The following UBA6 variants were observed in gnomAD, a reference collection of about 807,000 sequenced individuals.
UBA6 encodes the protein ubiquitin like modifier activating enzyme 6, also known as ubiquitin-like modifier-activating enzyme 6.
UBA6 carries 87 observed loss-of-function variants against 148.3 expected under a neutral mutation model. The observed-to-expected ratio is 0.59, with a 90% CI of 0.49 to 0.70. The LOEUF (loss-of-function observed/expected upper bound fraction) is 0.70, where lower values mean the gene tolerates loss of function less well. Among genes scored for constraint, UBA6 ranks in the 30% least tolerant of loss-of-function variants. The pLI, the probability that UBA6 is intolerant of heterozygous loss-of-function variation, is 0.00. For synonymous variants in UBA6, 376 were observed against 401.0 expected (o/e 0.94, Z 0.75); for missense variants, 1,186 against 1,241.2 (o/e 0.96, Z 0.67).
intron 17 of UBA6, among the ~76,000 whole-genome samples, chr4:67,642,967 T>G (rs1729341817): frequency 6.6e-6 from 1 of 151,908 alleles, no homozygotes; most frequent in Non-Finnish European, 1.5e-5. Flanking sequence ...CATTCTCACC[T>G]CAGTTATATT....
At chr4:67,681,448 A>T (rs1421609949) in intron 4 of UBA6, 115 bp downstream of exon 4, 8 of 569,028 alleles carry the variant, frequency 1.4e-5, no homozygotes, top group African/African-American at 2.9e-5. Flanking sequence ...GATTTTTTTT[A>T]AAAAGTAGAG....
rs780605671 is a variant in UBA6, at chr4:67,678,432, T to G, written c.353+7A>C. On this transcript the variant is annotated splice_region_variant and intron_variant, in intron 5 of 32. Coordinates refer to ENST00000322244, the MANE Select transcript of UBA6 (RefSeq NM_018227.6). ...AAACTCATGATAATACATCAAAATATCTTTACCTGTTTCTCTTATTAACAA... is the reference window on the plus strand; with the variant it reads ...AAACTCATGATAATACATCAAAATAGCTTTACCTGTTTCTCTTATTAACAA... 16 of 1,548,474 alleles carry G rather than the reference T, an allele frequency of 1.0e-5. No individual in the cohort carries two copies. The highest frequency in any genetic ancestry group is 1.3e-5 in the Non-Finnish European group (15 of 1,138,830).
chr4:67,682,040 TA>T, intron 3 of UBA6, 78 bp downstream of exon 3: 1 of 1,055,814 alleles, frequency 9.5e-7, no homozygotes, highest in Non-Finnish European at 1.4e-6. Context: ...ATAGGAAATA[TA>T]AGGGGATGAA....
At chr4:67,623,295 A>T in intron 30 of UBA6, 73 bp from the exon 31 acceptor site, 1 of 1,118,676 alleles carries the variant, frequency 8.9e-7, no homozygotes, top group Non-Finnish European at 1.3e-6. Context: ...CACACAAAAA[A>T]AACCCACTTT....
chr4:67,641,166 A>G lies in UBA6; in HGVS notation c.1539T>C (p.Arg513=), dbSNP rs1385758446. The G allele has an allele frequency of 3.1e-6, 5 of 1,596,340 alleles. No homozygotes were observed. The South Asian group carries it at 5.7e-5, about 18-fold the overall frequency. ...AGCAACATACCTGTATGTGATGAGG[A>G]CGAAATAGGAACTGTCTATTTAAGT... ...KSNLNRQFLF[R]PHHIQKPKSY... The change falls in exon 18 of 33, where the codon CGT becomes CGC. Residue 513 remains arginine, a synonymous_variant. Transcript: ENST00000322244.
intron 15 of UBA6, 54 bp downstream of exon 15, chr4:67,646,670 A>C (rs1729427901): frequency 7.2e-7 from 1 of 1,388,954 alleles, no homozygotes; most frequent in Non-Finnish European, 1.0e-6. Context: ...GTTTAGACAA[A>C]ACTTTTAAAA....
Position 67,618,866 on chromosome 4 carries a change from T to C in UBA6, c.*131A>G. On this transcript the variant is annotated 3_prime_UTR_variant, in exon 33 of 33. Transcript: ENST00000322244. Reference sequence around the variant, plus strand: ...ATTCTTCAGTGCAGTTTCTTACTGATGTTTCCCTTAAAATTAAGGCTTAAT... The same window carrying C: ...ATTCTTCAGTGCAGTTTCTTACTGACGTTTCCCTTAAAATTAAGGCTTAAT... The C allele has an allele frequency of 2.2e-6, 2 of 908,438 alleles. No homozygotes were observed. The highest frequency in any genetic ancestry group is 3.3e-6 in the Non-Finnish European group (2 of 606,724). The allele number at this position is 908,438 out of a possible 1,614,324, so 56.3% of individuals were successfully genotyped here. A position where few individuals can be genotyped will look rare whatever the true frequency, so the allele number is the denominator to read the frequency against.
chr4:67,670,327 AG>A, intron 8 of UBA6, 142 bp downstream of exon 8: 1 of 651,436 alleles, frequency 1.5e-6, no homozygotes, highest in Non-Finnish European at 2.6e-6. Context: ...TCAAGAAATT[AG>A]CTACATATTC....
chr4:67,696,636 G>A lies in UBA6; in HGVS notation c.134+9C>T, dbSNP rs1274701061. 3.8e-6 allele frequency: 6 copies of A among 1,585,786 alleles called. No individual in the cohort carries two copies. The highest frequency in any genetic ancestry group is 5.2e-6 in the Non-Finnish European group (6 of 1,165,002). On this transcript the variant is annotated intron_variant, in intron 2 of 32. Coordinates refer to ENST00000322244, the MANE Select transcript of UBA6 (RefSeq NM_018227.6). The stretch of plus-strand genomic sequence containing the variant: ...GGAAAATAAGTTTCAGTTTCTATGA[G>A]ATTCTTACCTATACAATGCATCATC...
At chr4:67,644,575 C>T (rs2109915607) in intron 17 of UBA6, 123 bp downstream of exon 17, 1 of 593,316 alleles carries the variant, frequency 1.7e-6, no homozygotes, top group East Asian at 2.8e-5. Context: ...GACAATCTTC[C>T]AATTTTTAGT....
Position 67,618,937 on chromosome 4 carries a change from G to A in UBA6, c.*60C>T. ...TATGAACTGATTTTCTTTAGCTTCT[G>A]AATTAAGTGCACTCTTTCCAAAATC... On this transcript the variant is annotated 3_prime_UTR_variant, in exon 33 of 33. Transcript: ENST00000322244. 1.3e-6 allele frequency: 2 copies of A among 1,537,952 alleles called. No individual in the cohort carries two copies. The highest frequency in any genetic ancestry group is 1.2e-5 in the South Asian group (1 of 83,136).
intron 30 of UBA6, 26 bp downstream of exon 30, chr4:67,624,100 C>A: frequency 6.6e-7 from 1 of 1,514,102 alleles, no homozygotes; most frequent in South Asian, 1.3e-5. Context: ...TCTCATTATA[C>A]AAGAGAAATA....
chr4:67,697,414 T>C (rs557192330), intron 1 of UBA6, among the ~76,000 whole-genome samples: 58 of 152,352 alleles, frequency 3.8e-4, no homozygotes, highest in African/African-American at 1.3e-3. Context: ...TTGATGAATA[T>C]ATATTGATTA....
Position 67,618,928 on chromosome 4 carries a change from T to C in UBA6, c.*69A>G. 1.3e-6 allele frequency: 2 copies of C among 1,486,962 alleles called. 1 individual carries two copies. The highest frequency in any genetic ancestry group is 1.8e-6 in the Non-Finnish European group (2 of 1,089,654). The allele number at this position is 1,486,962 out of a possible 1,614,324, so 92.1% of individuals were successfully genotyped here. ...CCATAGTATTATGAACTGATTTTCTTTAGCTTCTGAATTAAGTGCACTCTT... is the reference window on the plus strand; with the variant it reads ...CCATAGTATTATGAACTGATTTTCTCTAGCTTCTGAATTAAGTGCACTCTT... On this transcript the variant is annotated 3_prime_UTR_variant, in exon 33 of 33. Transcript: ENST00000322244.
intron 27 of UBA6, 60 bp downstream of exon 27, chr4:67,629,011 G>A: frequency 8.6e-7 from 1 of 1,168,306 alleles, no homozygotes. Flanking sequence ...TTTAGAATGG[G>A]ACTTGGTACA....
chr4:67,616,435 A>C lies in UBA6; in HGVS notation c.*2562T>G, dbSNP rs1029835751. The C allele has an allele frequency of 3.7e-6, 1 of 272,628 alleles. No homozygotes were observed. The highest frequency in any genetic ancestry group is 6.8e-6 in the Non-Finnish European group (1 of 147,208). 16.9% of individuals were successfully genotyped at this position (272,628 alleles called of 1,614,324 possible). On this transcript the variant is annotated 3_prime_UTR_variant, in exon 33 of 33. Transcript: ENST00000322244. ...CCAGAGTGTGACATAGTAGATTAAA[A>C]AATAAAGATATACATTTATTTCCAT...
At chr4:67,637,080 C>T (rs1390438819) in intron 19 of UBA6, among the ~76,000 whole-genome samples, 12 of 148,012 alleles carry the variant, frequency 8.1e-5, no homozygotes, top group Non-Finnish European at 1.1e-4. Context: ...TCTGCCCTGC[C>T]GCCCCGTCTG....
intron 1 of UBA6, among the ~76,000 whole-genome samples, chr4:67,698,147 A>G (rs1730884853): frequency 6.6e-6 from 1 of 152,186 alleles, no homozygotes; most frequent in African/African-American, 2.4e-5. Flanking sequence ...GGAATAGCTG[A>G]CTTCTTGTCA....
intron 2 of UBA6, among the ~76,000 whole-genome samples, chr4:67,695,161 G>A (rs565230980): frequency 6.6e-6 from 1 of 152,300 alleles, no homozygotes; most frequent in African/African-American, 2.4e-5. Flanking sequence ...TCAAAGAGGT[G>A]CCATTTGTTA....
Sources: gnomAD v4.1 joint callset for allele counts (sites outside exome capture counted in the v4.1 genomes callset) on GRCh38, gnomAD v4.1.1 for gene constraint, MANE v1.5 for transcripts, NCBI Gene and HGNC (gene_info 2026-07-23, HGNC 2026-07-21) for gene names.